PIP5K1B: variants seen among roughly 807,000 people sequenced by gnomAD.
The protein encoded by PIP5K1B is phosphatidylinositol 4-phosphate 5-kinase type-1 beta.
Under a neutral mutation model 67.0 loss-of-function variants are expected in PIP5K1B, and 42 were observed. The observed-to-expected ratio is 0.63, with a 90% confidence interval of 0.49 to 0.81. PIP5K1B has a LOEUF of 0.81. Among genes scored for constraint, PIP5K1B ranks in the 30% least tolerant of loss-of-function variants. PIP5K1B has a pLI of 0.00. For synonymous variants in PIP5K1B, 214 were observed against 231.4 expected, an observed-to-expected ratio of 0.92 and a Z score of 0.68; for missense variants, 459 against 646.3, an observed-to-expected ratio of 0.71 and a Z score of 3.14.
chr9:68,856,938 G>A (rs750110492), intron 4 of PIP5K1B, among the ~76,000 whole-genome samples: 16 of 152,234 alleles, frequency 1.1e-4, no homozygotes, highest in Non-Finnish European at 1.8e-4. Context: ...GTGTGATTAA[G>A]TTAAAGATTT....
chr9:68,723,922 G>A (rs1443496803), intron 1 of PIP5K1B, among the ~76,000 whole-genome samples: 1 of 150,874 alleles, frequency 6.6e-6, no homozygotes, highest in South Asian at 2.1e-4. Context: ...TGTGCTTTTG[G>A]GTCTTACCCA....
chr9:68,936,108 A>G (rs1014143121), intron 13 of PIP5K1B: 3 of 152,204 alleles, frequency 2.0e-5, no homozygotes, highest in African/African-American at 7.2e-5. Flanking sequence ...TTTTAAAAAC[A>G]GTATCTTTTT....
intron 11 of PIP5K1B, among the ~76,000 whole-genome samples, chr9:68,921,768 T>G (rs749840559): frequency 2.6e-5 from 4 of 152,172 alleles, no homozygotes; most frequent in East Asian, 3.9e-4. Context: ...GGAGAATCGC[T>G]TGAACCCAGG....
In PIP5K1B at chr9:68,796,210, CTGCATTTTTTTGATAGT is replaced by C. The variant is rs1257897784; in HGVS notation, c.-85-22228_-85-22212del. The stretch of plus-strand genomic sequence containing the variant: ...TACAGTGAATGTTTTAAATATGCTT[CTGCATTTTTTTGATAGT>C]TGCATTTTTTTGATAGTTGCATGTT... On this transcript the variant is annotated intron_variant, in intron 2 of 15. Transcript: ENST00000265382. Among the ~76,000 whole-genome samples the C allele has an allele frequency of 2.7e-4, 41 of 152,258 alleles. No homozygotes were observed. In the South Asian group the frequency reaches 5.8e-3, roughly 22 times the overall value.
intron 8 of PIP5K1B, among the ~76,000 whole-genome samples, chr9:68,907,587 G>T (rs547239587): frequency 6.6e-6 from 1 of 151,686 alleles, no homozygotes; most frequent in African/African-American, 2.4e-5. Flanking sequence ...TCTCAATACC[G>T]ATGGTGACTT....
chr9:68,953,484 A>G (rs1381937680), intron 14 of PIP5K1B, among the ~76,000 whole-genome samples: 1 of 151,908 alleles, frequency 6.6e-6, no homozygotes, highest in African/African-American at 2.4e-5. Context: ...GGAAATCTTC[A>G]TTTGTCTGCT....
At chr9:68,850,835 C>T (rs1340980018) in intron 4 of PIP5K1B, among the ~76,000 whole-genome samples, 1 of 152,096 alleles carries the variant, frequency 6.6e-6, no homozygotes, top group African/African-American at 2.4e-5. Flanking sequence ...ATGAAATATT[C>T]TTCCCTAGTG....
At chr9:68,758,627 A>C (rs998948106) in intron 2 of PIP5K1B, among the ~76,000 whole-genome samples, 7 of 152,054 alleles carry the variant, frequency 4.6e-5, no homozygotes, top group Non-Finnish European at 7.4e-5. Flanking sequence ...CCTGTGGAAT[A>C]ATAATAAAAG....
chr9:68,985,827 C>T (rs993414971), intron 14 of PIP5K1B, among the ~76,000 whole-genome samples: 3 of 152,218 alleles, frequency 2.0e-5, no homozygotes, highest in African/African-American at 7.2e-5. Flanking sequence ...TTAGATTTGT[C>T]TGTTCTTAGA....
intron 2 of PIP5K1B, among the ~76,000 whole-genome samples, chr9:68,764,221 A>G (rs371691036): frequency 6.6e-6 from 1 of 151,596 alleles, no homozygotes; most frequent in Non-Finnish European, 1.5e-5. Context: ...TTATCTCAAC[A>G]ATAAGTGGTC....
At chr9:68,763,680 G>T (rs1373304518) in intron 2 of PIP5K1B, among the ~76,000 whole-genome samples, 1 of 152,112 alleles carries the variant, frequency 6.6e-6, no homozygotes, top group Non-Finnish European at 1.5e-5. Flanking sequence ...TAGACCCCAT[G>T]AATTGATGCA....
intron 7 of PIP5K1B, among the ~76,000 whole-genome samples, chr9:68,892,887 A>G (rs1461864628): frequency 6.6e-6 from 1 of 152,156 alleles, no homozygotes; most frequent in Admixed American, 6.5e-5. Flanking sequence ...CCTGGCCGAC[A>G]TATAGTGAAA....
intron 4 of PIP5K1B, among the ~76,000 whole-genome samples, chr9:68,847,413 T>TGTGTG (rs1822248062): frequency 6.9e-5 from 7 of 101,616 alleles, no homozygotes; most frequent in Non-Finnish European, 1.2e-4. Context: ...AGCAGTGGTT[T>TGTGTG]TGTGTGTGTG....
At chr9:68,964,838 G>T (rs1421255102) in intron 14 of PIP5K1B, among the ~76,000 whole-genome samples, 2 of 152,216 alleles carry the variant, frequency 1.3e-5, no homozygotes, top group East Asian at 3.8e-4. Flanking sequence ...AATTCTCTTA[G>T]CTCCCAAGAG....
intron 1 of PIP5K1B, among the ~76,000 whole-genome samples, chr9:68,715,461 C>T (rs983932734): frequency 6.6e-6 from 1 of 152,154 alleles, no homozygotes; most frequent in Non-Finnish European, 1.5e-5. Context: ...CTCGTTGCCC[C>T]CTTTGGAATG....
At chr9:68,893,975 A>G (rs1300694311) in intron 7 of PIP5K1B, among the ~76,000 whole-genome samples, 3 of 152,128 alleles carry the variant, frequency 2.0e-5, no homozygotes, top group South Asian at 4.1e-4. Context: ...GTTTTGCAGG[A>G]GCTATTAAAA....
chr9:68,910,256 C>G (rs1253729536), intron 8 of PIP5K1B, among the ~76,000 whole-genome samples: 1 of 152,184 alleles, frequency 6.6e-6, no homozygotes, highest in Non-Finnish European at 1.5e-5. Flanking sequence ...AAAAGAATCT[C>G]TATAAATATC....
chr9:68,896,433 C>T (rs1485341193), intron 8 of PIP5K1B, among the ~76,000 whole-genome samples: 3 of 151,764 alleles, frequency 2.0e-5, no homozygotes, highest in East Asian at 1.9e-4. Context: ...GGACTGAGAC[C>T]GCGAGGTCAA....
chr9:68,754,175 C>CTTTTTTTTTTTTTTTTTTTTTTTTTTTTT (rs71353081), intron 2 of PIP5K1B, among the ~76,000 whole-genome samples: 1 of 101,070 alleles, frequency 9.9e-6, no homozygotes, highest in South Asian at 3.4e-4. Context: ...TCCATGATTT[C>CTTTTTTTTTTTTTTTTTTTTTTTTTTTTT]TTTTTTTTTT....
Sources: allele counts gnomAD v4.1 joint callset (sites outside exome capture counted in the v4.1 genomes callset), GRCh38; gene constraint gnomAD v4.1.1; transcripts MANE v1.5; gene names NCBI Gene and HGNC (gene_info 2026-07-23, HGNC 2026-07-21).